The following ARAP2 variants were observed in gnomAD, a reference collection of about 807,000 sequenced individuals.
ARAP2 encodes arf-GAP with Rho-GAP domain, ANK repeat and PH domain-containing protein 2.
Under a neutral mutation model 194.5 loss-of-function variants are expected in ARAP2, and 148 were observed. The ratio of observed to expected loss-of-function variants is 0.76; its 90% CI spans 0.67 to 0.87. ARAP2 has a LOEUF of 0.87. ARAP2 is among the 40% of genes least tolerant of loss of function. ARAP2 has a pLI of 0.00. For missense variants in ARAP2, 2,128 were observed against 1,989.7 expected, an observed-to-expected ratio of 1.07 and a Z score of -1.32; for synonymous variants, 695 against 683.5, an observed-to-expected ratio of 1.02 and a Z score of -0.26.
chr4:36,151,015 C>T lies in ARAP2; in HGVS notation c.2782G>A (p.Gly928Arg), dbSNP rs532791582. The change falls in exon 16 of 33, where the codon GGA (glycine) becomes AGA (arginine). Residue 928 changes from glycine to arginine, a missense_variant. Physicochemically the swap from Gly to Arg is moderately radical, Grantham distance 125. Transcript: ENST00000303965. ...ETNKKWCVLE[G>R]GFLSYYENDK... ...TTTTCATAGTAACTCAAGAAGCCTC[C>T]TTCCAAAACACACCATTTTTTATTT... 4.4e-6 allele frequency: 7 copies of T among 1,603,952 alleles called. No homozygotes were observed. In the East Asian group the frequency reaches 6.7e-5, roughly 15 times the overall value.
intron 27 of ARAP2, among the ~76,000 whole-genome samples, chr4:36,104,195 C>T (rs1334462468): frequency 3.0e-5 from 4 of 134,416 alleles, no homozygotes; most frequent in African/African-American, 9.8e-5. Context: ...ACCAACTGCT[C>T]CCCCACCTTT....
At chr4:36,238,875 C>G (rs1210268694) in intron 1 of ARAP2, among the ~76,000 whole-genome samples, 1 of 152,108 alleles carries the variant, frequency 6.6e-6, no homozygotes, top group East Asian at 1.9e-4. Context: ...AAGCCAAAAT[C>G]AAATAATCAA....
At chr4:36,223,863 G>A (rs1271682441) in intron 2 of ARAP2, among the ~76,000 whole-genome samples, 2 of 152,000 alleles carry the variant, frequency 1.3e-5, no homozygotes, top group East Asian at 1.9e-4. Flanking sequence ...TATCCAGAAC[G>A]ATAAGAAAAA....
chr4:36,201,407 C>A (rs1312291838), intron 6 of ARAP2, among the ~76,000 whole-genome samples: 2 of 152,148 alleles, frequency 1.3e-5, no homozygotes, highest in Non-Finnish European at 2.9e-5. Flanking sequence ...TTCAGTCTTG[C>A]AAAGTACTTC....
chr4:36,051,307 C>T (rs995480322), intron 3 of ARAP2, among the ~76,000 whole-genome samples: 1 of 152,000 alleles, frequency 6.6e-6, no homozygotes, highest in Non-Finnish European at 1.5e-5. Context: ...GGTGAAACCC[C>T]TTCTCTACTA....
intron 8 of ARAP2, among the ~76,000 whole-genome samples, chr4:36,015,112 G>A (rs1199871717): frequency 6.6e-6 from 1 of 152,120 alleles, no homozygotes; most frequent in Non-Finnish European, 1.5e-5. Flanking sequence ...CAGATTTCTT[G>A]TTATGTAAGA....
intron 27 of ARAP2, among the ~76,000 whole-genome samples, chr4:36,098,173 G>T (rs1366589589): frequency 6.6e-6 from 1 of 151,996 alleles, no homozygotes; most frequent in African/African-American, 2.4e-5. Context: ...GGAGGAGGCT[G>T]GGGTTGAGGG....
At chr4:36,194,260 A>T (rs976941993) in intron 6 of ARAP2, among the ~76,000 whole-genome samples, 3 of 152,216 alleles carry the variant, frequency 2.0e-5, no homozygotes, top group Non-Finnish European at 4.4e-5. Flanking sequence ...ACAAAAGCAA[A>T]AAAAGATATC....
intron 28 of ARAP2, among the ~76,000 whole-genome samples, chr4:36,087,086 G>A (rs1207394902): frequency 6.6e-6 from 1 of 151,722 alleles, no homozygotes; most frequent in Non-Finnish European, 1.5e-5. Flanking sequence ...ATATATTAAT[G>A]GCAACCACTA....
intron 13 of ARAP2, 142 bp from the exon 14 acceptor site, chr4:36,159,647 T>C: frequency 2.7e-6 from 2 of 728,784 alleles, no homozygotes; most frequent in Non-Finnish European, 3.8e-6. Context: ...AATTATGCCA[T>C]GAATTAGGCA....
chr4:36,155,242 A>G (rs1731971663), intron 15 of ARAP2, among the ~76,000 whole-genome samples: 1 of 152,210 alleles, frequency 6.6e-6, no homozygotes, highest in Non-Finnish European at 1.5e-5. Context: ...TGCCTCATTG[A>G]GCTTTCACTT....
At chr4:36,053,797 C>T (rs1007018368) in intron 2 of ARAP2, among the ~76,000 whole-genome samples, 5 of 152,104 alleles carry the variant, frequency 3.3e-5, no homozygotes, top group African/African-American at 7.2e-5. Context: ...CCCAGAGGGC[C>T]GGCAAGTTTA....
chr4:36,081,110 T>C (rs983287220), intron 30 of ARAP2, among the ~76,000 whole-genome samples: 1 of 152,180 alleles, frequency 6.6e-6, no homozygotes, highest in Non-Finnish European at 1.5e-5. Context: ...GTTTTCTTCA[T>C]CAGCACCTCA....
intron 16 of ARAP2, among the ~76,000 whole-genome samples, chr4:36,148,725 C>T (rs754897574): frequency 6.6e-6 from 1 of 152,130 alleles, no homozygotes; most frequent in Non-Finnish European, 1.5e-5. Flanking sequence ...ATCATTTAAT[C>T]ATTCTATTGT....
chr4:36,075,893 A>G (rs188911797), intron 31 of ARAP2, among the ~76,000 whole-genome samples: 2 of 152,274 alleles, frequency 1.3e-5, no homozygotes, highest in East Asian at 3.9e-4. Flanking sequence ...ACTGCCTTGA[A>G]GTTCTACCAT....
chr4:36,243,121 CTCTT>C (rs1753856039), intron 1 of ARAP2, among the ~76,000 whole-genome samples: 1 of 151,644 alleles, frequency 6.6e-6, no homozygotes, highest in South Asian at 2.1e-4. Context: ...AAAGGTATTT[CTCTT>C]TTTTTCCTTA....
chr4:36,233,942 T>A (rs150135998), intron 1 of ARAP2, among the ~76,000 whole-genome samples: 25 of 152,340 alleles, frequency 1.6e-4, no homozygotes, highest in African/African-American at 6.0e-4. Context: ...GTTGTCCTAG[T>A]CCGTTCAGAC....
chr4:36,105,175 A>C (rs6531410), intron 27 of ARAP2, among the ~76,000 whole-genome samples: 143,273 of 152,030 alleles, frequency 0.94, 67,582 homozygotes, highest in African/African-American at 0.98. Flanking sequence ...CAAAAAATAG[A>C]CAGGCATTGT....
intron 1 of ARAP2, among the ~76,000 whole-genome samples, chr4:36,239,879 C>T (rs558246439): frequency 6.6e-6 from 1 of 152,240 alleles, no homozygotes; most frequent in African/African-American, 2.4e-5. Context: ...CTTTTTTTCT[C>T]TCCTTTGGGA....
Sources: gnomAD v4.1 joint callset for allele counts (sites outside exome capture counted in the v4.1 genomes callset) on GRCh38, gnomAD v4.1.1 for gene constraint, MANE v1.5 for transcripts, NCBI Gene and HGNC (gene_info 2026-07-23, HGNC 2026-07-21) for gene names.